CLSTN2: variants seen among roughly 807,000 people sequenced by gnomAD.
CLSTN2 encodes the protein calsyntenin 2.
In CLSTN2, 48 loss-of-function variants were observed where a neutral mutation model predicts 101.2. The observed-to-expected ratio is 0.47, with a 90% CI of 0.38 to 0.60. CLSTN2 has a LOEUF of 0.60. CLSTN2 is among the 20% of genes least tolerant of loss of function. The probability of loss-of-function intolerance (pLI) is 0.00; values close to 1 mark genes in which losing one functional copy is unlikely to be tolerated. For synonymous variants in CLSTN2, 481 were observed against 463.6 expected (o/e 1.04, Z -0.48); for missense variants, 1,160 against 1,238.2 (o/e 0.94, Z 0.95).
chr3:140,353,210 C>A (rs1476327628), intron 2 of CLSTN2, among the ~76,000 whole-genome samples: 2 of 150,266 alleles, frequency 1.3e-5, no homozygotes, highest in Admixed American at 1.3e-4. Context: ...TAGAGGGACA[C>A]AACTAATGGA....
chr3:140,394,599 T>C (rs2088159415), intron 2 of CLSTN2, among the ~76,000 whole-genome samples: 1 of 149,644 alleles, frequency 6.7e-6, no homozygotes, highest in Non-Finnish European at 1.5e-5. Flanking sequence ...ACAACACCTA[T>C]TGCAGCCTTT....
At chr3:140,526,816 A>G (rs1935153009) in intron 8 of CLSTN2, among the ~76,000 whole-genome samples, 2 of 152,170 alleles carry the variant, frequency 1.3e-5, no homozygotes, top group Admixed American at 6.6e-5. Flanking sequence ...AGCAAAATAG[A>G]CAAAAATAAA....
chr3:140,191,003 G>A (rs1034650117), intron 2 of CLSTN2, among the ~76,000 whole-genome samples: 2 of 151,952 alleles, frequency 1.3e-5, no homozygotes, highest in African/African-American at 2.4e-5. Context: ...CAGTCTCAGG[G>A]GAAAGCATAT....
At chr3:140,048,285 C>A (rs1438988093) in intron 1 of CLSTN2, among the ~76,000 whole-genome samples, 1 of 152,118 alleles carries the variant, frequency 6.6e-6, no homozygotes, top group African/African-American at 2.4e-5. Flanking sequence ...GTGCATGGAC[C>A]ATATCTTGGG....
chr3:140,553,603 A>G (rs9682918), intron 10 of CLSTN2, among the ~76,000 whole-genome samples: 8,874 of 152,236 alleles, frequency 0.058, 279 homozygotes, highest in Non-Finnish European at 0.073. Flanking sequence ...CTGGCTTAAC[A>G]TGACAAGTTT....
At chr3:140,275,850 A>G (rs1210848337) in intron 2 of CLSTN2, among the ~76,000 whole-genome samples, 5 of 152,186 alleles carry the variant, frequency 3.3e-5, no homozygotes, top group African/African-American at 1.2e-4. Context: ...ACTGAGGTCA[A>G]TGTGGACTGT....
Position 139,975,463 on chromosome 3 carries a change from T to A in CLSTN2, c.109+39980T>A, listed in dbSNP as rs141743024. ...GTGTTAATGAATGAATACCATTATG[T>A]CTGATATTAATTGCAAATGTGACAT... On this transcript the variant is annotated intron_variant, in intron 1 of 16. Coordinates refer to ENST00000458420, the MANE Select transcript of CLSTN2 (RefSeq NM_022131.3). Among the ~76,000 whole-genome samples the A allele has an allele frequency of 4.2e-4, 64 of 152,292 alleles. 1 individual carries two copies. In the East Asian group the frequency reaches 0.012, roughly 28 times the overall value.
intron 1 of CLSTN2, among the ~76,000 whole-genome samples, chr3:140,053,768 G>C (rs1423649988): frequency 6.6e-6 from 1 of 152,148 alleles, no homozygotes; most frequent in Non-Finnish European, 1.5e-5. Context: ...TCATAAGCCT[G>C]TTTCATTATG....
intron 1 of CLSTN2, among the ~76,000 whole-genome samples, chr3:140,128,320 C>T (rs901795120): frequency 2.6e-5 from 4 of 152,172 alleles, no homozygotes; most frequent in Non-Finnish European, 4.4e-5. Flanking sequence ...GGCCTGACTG[C>T]TTTGTAGTTA....
At position 140,562,891 on chromosome 3, in the gene CLSTN2, C is replaced by T. The variant is rs757071143; in HGVS notation, c.2293C>T (p.Arg765Trp). Residue 765 changes from arginine (R) to tryptophan (W), a missense_variant, in exon 14 of 17, where the codon CGG becomes TGG. Physicochemically the swap from Arg to Trp is moderately radical, Grantham distance 101. Coordinates refer to ENST00000458420, the MANE Select transcript of CLSTN2 (RefSeq NM_022131.3). ...CTGGCGTCCGGCTTCCCTTGAGGCC[C>T]GGCGTTTCCGGATTAAGTGCTCAGA... ...RNWRPASLEA[R>W]RFRIKCSELN... 5.6e-6 allele frequency: 9 copies of T among 1,614,096 alleles called. No individual in the cohort carries two copies. Among genetic ancestry groups the T allele is most frequent in the Admixed American group, 1.7e-5 (1 of 60,026 alleles).
At chr3:140,440,713 T>C (rs1031684976) in intron 5 of CLSTN2, among the ~76,000 whole-genome samples, 1 of 152,194 alleles carries the variant, frequency 6.6e-6, no homozygotes, top group East Asian at 1.9e-4. Flanking sequence ...CACACCCAGG[T>C]CTGACTCCAA....
Position 140,459,416 on chromosome 3 carries a change from G to A in CLSTN2, c.974-105G>A, listed in dbSNP as rs551093929. The stretch of plus-strand genomic sequence containing the variant: ...ACATAGCTCATGGTTAGGCACAGAC[G>A]TCTCTGAGTAAGTACACTGAGTAGT... On this transcript the variant is annotated intron_variant, in intron 6 of 16. Coordinates refer to ENST00000458420, the MANE Select transcript of CLSTN2 (RefSeq NM_022131.3). 1.6e-4 allele frequency: 209 copies of A among 1,301,152 alleles called. 2 individuals carry two copies. Among genetic ancestry groups the A allele is most frequent in the South Asian group, 5.2e-4 (39 of 75,728 alleles). The allele number at this position is 1,301,152 out of a possible 1,614,324, so 80.6% of individuals were successfully genotyped here.
At chr3:140,067,014 T>C (rs530749878) in intron 1 of CLSTN2, among the ~76,000 whole-genome samples, 1 of 152,348 alleles carries the variant, frequency 6.6e-6, no homozygotes, top group South Asian at 2.1e-4. Context: ...GTTTGATCCC[T>C]GACCCTTTCC....
chr3:140,271,315 C>T (rs1484427974), intron 2 of CLSTN2, among the ~76,000 whole-genome samples: 3 of 152,166 alleles, frequency 2.0e-5, no homozygotes, highest in African/African-American at 7.2e-5. Flanking sequence ...GTTAGCCCAC[C>T]TCCCCTCCAG....
intron 1 of CLSTN2, among the ~76,000 whole-genome samples, chr3:140,000,610 G>A (rs919037191): frequency 1.3e-5 from 2 of 152,192 alleles, no homozygotes; most frequent in African/African-American, 4.8e-5. Context: ...AACTCCTACT[G>A]CATTCTGTAG....
At chr3:140,213,382 T>A (rs1362787478) in intron 2 of CLSTN2, among the ~76,000 whole-genome samples, 1 of 151,652 alleles carries the variant, frequency 6.6e-6, no homozygotes, top group Non-Finnish European at 1.5e-5. Context: ...ATCCTGAGAG[T>A]CCCTGGACAA....
intron 1 of CLSTN2, among the ~76,000 whole-genome samples, chr3:140,112,334 A>G (rs2009169259): frequency 6.6e-6 from 1 of 151,362 alleles, no homozygotes; most frequent in African/African-American, 2.4e-5. Flanking sequence ...TACAGGGAAG[A>G]GGAGCAAATA....
chr3:140,217,996 A>T (rs2010940989), intron 2 of CLSTN2, among the ~76,000 whole-genome samples: 1 of 152,188 alleles, frequency 6.6e-6, no homozygotes, highest in Non-Finnish European at 1.5e-5. Context: ...ATATACATGA[A>T]CTGATCCATT....
chr3:139,991,452 T>C (rs181519367), intron 1 of CLSTN2, among the ~76,000 whole-genome samples: 4 of 152,332 alleles, frequency 2.6e-5, no homozygotes, highest in African/African-American at 9.6e-5. Flanking sequence ...AGCTTCTCCT[T>C]ATAGCAGTTC....
Sources: gnomAD v4.1 joint callset for allele counts (sites outside exome capture counted in the v4.1 genomes callset) on GRCh38, gnomAD v4.1.1 for gene constraint, MANE v1.5 for transcripts, NCBI Gene and HGNC (gene_info 2026-07-23, HGNC 2026-07-21) for gene names.